The following TTC7B variants were observed in gnomAD, a reference collection of about 807,000 sequenced individuals.
TTC7B encodes tetratricopeptide repeat protein 7B.
A neutral mutation model predicts 106.8 loss-of-function variants in TTC7B; 28 were observed. That is an observed-to-expected ratio of 0.26 (90% CI 0.19 to 0.36). The LOEUF is 0.36. Ranked by LOEUF, TTC7B falls within the 10% of genes least tolerant of loss-of-function variation. The probability of loss-of-function intolerance (pLI) is 1.00; values close to 1 mark genes in which losing one functional copy is unlikely to be tolerated. For missense variants in TTC7B, 862 were observed against 1,076.4 expected, an observed-to-expected ratio of 0.80 and a Z score of 2.79; for synonymous variants, 405 against 430.6, an observed-to-expected ratio of 0.94 and a Z score of 0.74.
At chr14:90,664,989 G>A (rs1181712369) in intron 9 of TTC7B, among the ~76,000 whole-genome samples, 1 of 152,216 alleles carries the variant, frequency 6.6e-6, no homozygotes, top group Admixed American at 6.5e-5. Flanking sequence ...GGCAAAGGCA[G>A]TGTGAATAGG....
intron 9 of TTC7B, among the ~76,000 whole-genome samples, chr14:90,671,232 T>A (rs1555388057): frequency 6.6e-6 from 1 of 152,228 alleles, no homozygotes; most frequent in Non-Finnish European, 1.5e-5. Flanking sequence ...TGCTCCCTGA[T>A]TAAATAAGCA....
chr14:90,777,311 A>G (rs535314095), intron 3 of TTC7B, among the ~76,000 whole-genome samples: 2 of 152,126 alleles, frequency 1.3e-5, no homozygotes, highest in Admixed American at 6.5e-5. Flanking sequence ...GCACGCAGGA[A>G]TCTCTCAGTA....
chr14:90,652,488 TAA>T (rs11397777), intron 13 of TTC7B, among the ~76,000 whole-genome samples: 3 of 143,480 alleles, frequency 2.1e-5, no homozygotes, highest in Admixed American at 6.9e-5. Flanking sequence ...ATGTTTTTTT[TAA>T]AAAAAAAAAA....
At chr14:90,696,294 G>T (rs11851451) in intron 5 of TTC7B, among the ~76,000 whole-genome samples, 2,997 of 152,188 alleles carry the variant, frequency 0.02, 90 homozygotes, top group African/African-American at 0.069. Flanking sequence ...TAACATCCTG[G>T]TCAATATTTT....
intron 9 of TTC7B, among the ~76,000 whole-genome samples, chr14:90,674,391 G>A (rs867791387): frequency 1.3e-5 from 2 of 152,224 alleles, no homozygotes; most frequent in Admixed American, 6.5e-5. Flanking sequence ...CGTTTTAGTC[G>A]GATGATCTGA....
chr14:90,669,161 A>G (rs1174818661), intron 9 of TTC7B, among the ~76,000 whole-genome samples: 4 of 148,404 alleles, frequency 2.7e-5, no homozygotes, highest in East Asian at 3.9e-4. Flanking sequence ...GGATTTCCAC[A>G]TGCAAAAGAA....
intron 1 of TTC7B, among the ~76,000 whole-genome samples, chr14:90,801,597 A>G (rs59216129): frequency 0.011 from 1,600 of 152,254 alleles, 33 homozygotes; most frequent in African/African-American, 0.037. Context: ...GTTTGGGCCA[A>G]GTGAAATGTG....
intron 5 of TTC7B, among the ~76,000 whole-genome samples, chr14:90,713,296 A>T: frequency 6.6e-6 from 1 of 152,136 alleles, no homozygotes; most frequent in Non-Finnish European, 1.5e-5. Flanking sequence ...TTGTATTTTT[A>T]GTAGAGACAG....
At chr14:90,650,785 T>C (rs1885684197) in intron 13 of TTC7B, among the ~76,000 whole-genome samples, 1 of 152,242 alleles carries the variant, frequency 6.6e-6, no homozygotes, top group Admixed American at 6.5e-5. Flanking sequence ...TATTATGTTC[T>C]TCTTCACTAT....
At chr14:90,588,887 A>T (rs1331878648) in intron 18 of TTC7B, among the ~76,000 whole-genome samples, 9 of 85,934 alleles carry the variant, frequency 1.0e-4, no homozygotes, top group Non-Finnish European at 2.3e-4. Flanking sequence ...AACAAAAACT[A>T]AAAAAAAAAA....
intron 7 of TTC7B, among the ~76,000 whole-genome samples, chr14:90,681,341 G>A (rs1295911322): frequency 1.3e-5 from 2 of 152,016 alleles, no homozygotes; most frequent in Non-Finnish European, 1.5e-5. Context: ...AATGGACGAA[G>A]AGAGTGCAAT....
chr14:90,627,410 G>C (rs955942978), intron 15 of TTC7B, among the ~76,000 whole-genome samples: 4 of 152,090 alleles, frequency 2.6e-5, no homozygotes, highest in Admixed American at 6.5e-5. Context: ...TGAGCGCAAG[G>C]CTGCATCATC....
At chr14:90,683,090 T>G (rs2139931631) in intron 7 of TTC7B, among the ~76,000 whole-genome samples, 1 of 152,242 alleles carries the variant, frequency 6.6e-6, no homozygotes, top group Middle Eastern at 3.4e-3. Flanking sequence ...CAAAAGAAAT[T>G]AATCCAACTT....
At chr14:90,784,653 C>G (rs1301127739) in intron 2 of TTC7B, among the ~76,000 whole-genome samples, 1 of 152,082 alleles carries the variant, frequency 6.6e-6, no homozygotes, top group Admixed American at 6.5e-5. Flanking sequence ...TGATCTGCCA[C>G]ACACCAAAGT....
At chr14:90,773,646 T>C (rs1408682342) in intron 3 of TTC7B, among the ~76,000 whole-genome samples, 4 of 152,214 alleles carry the variant, frequency 2.6e-5, no homozygotes, top group South Asian at 2.1e-4. Flanking sequence ...CTGAGCTCTC[T>C]GGCAGCTGTG....
intron 6 of TTC7B, among the ~76,000 whole-genome samples, chr14:90,693,747 T>A (rs1398474435): frequency 6.6e-6 from 1 of 152,198 alleles, no homozygotes; most frequent in East Asian, 1.9e-4. Flanking sequence ...GGAACCCTCA[T>A]AACTGCTGGT....
intron 15 of TTC7B, among the ~76,000 whole-genome samples, chr14:90,620,463 A>G (rs1193949357): frequency 6.6e-6 from 1 of 152,208 alleles, no homozygotes; most frequent in East Asian, 1.9e-4. Context: ...ACAGGGGTCA[A>G]CTGGGAGAGT....
Position 90,525,487 on chromosome 14 carries a change from T to C in TTC7B, c.*15881A>G, listed in dbSNP as rs1373217757. The C allele has an allele frequency of 6.9e-6, 1 of 144,338 alleles. No individual in the cohort carries two copies. Among genetic ancestry groups the C allele is most frequent in the Non-Finnish European group, 1.5e-5 (1 of 65,126 alleles). The allele number at this position is 144,338 out of a possible 1,614,324, so 8.9% of individuals were successfully genotyped here. On this transcript the variant is annotated 3_prime_UTR_variant, in exon 20 of 20. Coordinates refer to ENST00000328459, the MANE Select transcript of TTC7B (RefSeq NM_001010854.2). ...TTTCTGAGGCCTCGGACCGCACCGC[T>C]TTCGCCCTGCGGCCCGGCTCGGTAG...
chr14:90,803,232 C>A (rs79682958), intron 1 of TTC7B, among the ~76,000 whole-genome samples: 2 of 152,152 alleles, frequency 1.3e-5, no homozygotes, highest in African/African-American at 2.4e-5. Context: ...CACTCTCCCC[C>A]CAAGTGAAGG....
Sources: allele counts gnomAD v4.1 joint callset (sites outside exome capture counted in the v4.1 genomes callset), GRCh38; gene constraint gnomAD v4.1.1; transcripts MANE v1.5; gene names NCBI Gene and HGNC (gene_info 2026-07-23, HGNC 2026-07-21).